ZDHHC14: variants seen among roughly 807,000 people sequenced by gnomAD.
ZDHHC14 encodes the protein zDHHC palmitoyltransferase 14.
In ZDHHC14, 16 loss-of-function variants were observed where a neutral mutation model predicts 47.7. The ratio of observed to expected loss-of-function variants is 0.34; its 90% CI spans 0.23 to 0.51. The LOEUF (loss-of-function observed/expected upper bound fraction) is 0.51. ZDHHC14 is among the 20% of genes least tolerant of loss of function. The pLI is 0.97. For synonymous variants in ZDHHC14, 293 were observed against 278.9 expected (o/e 1.05, Z -0.50); for missense variants, 515 against 662.5 (o/e 0.78, Z 2.44).
At chr6:157,438,465 G>A (rs1186257768) in intron 1 of ZDHHC14, among the ~76,000 whole-genome samples, 1 of 152,204 alleles carries the variant, frequency 6.6e-6, no homozygotes, top group Non-Finnish European at 1.5e-5. Context: ...GAAGACAAAT[G>A]CCACGTGCAG....
chr6:157,476,818 G>C (rs1247128355), intron 1 of ZDHHC14, among the ~76,000 whole-genome samples: 1 of 152,204 alleles, frequency 6.6e-6, no homozygotes, highest in Non-Finnish European at 1.5e-5. Context: ...CATCGCAATA[G>C]ATGTAGAAGA....
chr6:157,489,312 C>T (rs1779855912), intron 1 of ZDHHC14, among the ~76,000 whole-genome samples: 1 of 152,204 alleles, frequency 6.6e-6, no homozygotes, highest in South Asian at 2.1e-4. Flanking sequence ...GCAATCACTT[C>T]CTTCGTAAAC....
chr6:157,397,628 T>C (rs1246145427), intron 1 of ZDHHC14, among the ~76,000 whole-genome samples: 1 of 152,194 alleles, frequency 6.6e-6, no homozygotes, highest in Non-Finnish European at 1.5e-5. Flanking sequence ...AGGCCCTTAA[T>C]GTATCACAGC....
chr6:157,585,164 G>A (rs778650085), intron 2 of ZDHHC14, among the ~76,000 whole-genome samples: 17 of 152,082 alleles, frequency 1.1e-4, no homozygotes, highest in Middle Eastern at 3.4e-3. Context: ...CCGAGATCGC[G>A]CCATTGCACT....
At chr6:157,637,171 G>C (rs1291456903) in intron 5 of ZDHHC14, among the ~76,000 whole-genome samples, 1 of 152,178 alleles carries the variant, frequency 6.6e-6, no homozygotes, top group Non-Finnish European at 1.5e-5. Context: ...GGTATTTTTG[G>C]TGCCTGTCTT....
intron 1 of ZDHHC14, among the ~76,000 whole-genome samples, chr6:157,461,175 CG>C (rs1025445533): frequency 3.3e-5 from 5 of 152,242 alleles, no homozygotes; most frequent in African/African-American, 1.2e-4. Flanking sequence ...TGGCCACCAC[CG>C]TAAACAGTAT....
intron 3 of ZDHHC14, among the ~76,000 whole-genome samples, chr6:157,624,074 T>G (rs201068719): frequency 2.0e-5 from 3 of 152,198 alleles, no homozygotes; most frequent in African/African-American, 7.2e-5. Flanking sequence ...AATATGGCTG[T>G]GTGGAGCTTC....
At chr6:157,480,920 G>T in intron 1 of ZDHHC14, among the ~76,000 whole-genome samples, 1 of 152,096 alleles carries the variant, frequency 6.6e-6, no homozygotes, top group Non-Finnish European at 1.5e-5. Flanking sequence ...ATAAAATTTT[G>T]ATAGTTTTAA....
At chr6:157,511,474 G>A (rs1229261894) in intron 1 of ZDHHC14, among the ~76,000 whole-genome samples, 3 of 151,070 alleles carry the variant, frequency 2.0e-5, no homozygotes, top group South Asian at 2.1e-4. Context: ...TCCGCCTCCC[G>A]GGTTCAAGCG....
chr6:157,595,991 G>A (rs756918762), intron 3 of ZDHHC14, among the ~76,000 whole-genome samples: 4 of 152,328 alleles, frequency 2.6e-5, no homozygotes, highest in South Asian at 2.1e-4. Flanking sequence ...ACCGCAAGCC[G>A]CGGCCTCTGA....
At chr6:157,521,772 T>C (rs886607784) in intron 1 of ZDHHC14, among the ~76,000 whole-genome samples, 3 of 152,202 alleles carry the variant, frequency 2.0e-5, no homozygotes, top group Non-Finnish European at 1.5e-5. Context: ...CAAGGGGGAA[T>C]TCAGCAGTGA....
At chr6:157,530,236 C>T (rs1461943917) in intron 1 of ZDHHC14, among the ~76,000 whole-genome samples, 1 of 152,196 alleles carries the variant, frequency 6.6e-6, no homozygotes, top group Non-Finnish European at 1.5e-5. Flanking sequence ...TGGACCTTCC[C>T]TCTGGATCTG....
chr6:157,606,991 G>A lies in ZDHHC14; in HGVS notation c.565+13845G>A, dbSNP rs144376789. Among the ~76,000 whole-genome samples, 629 of 152,276 alleles carry A rather than the reference G, an allele frequency of 4.1e-3. 3 individuals carry two copies. The highest frequency in any genetic ancestry group is 0.014 in the African/African-American group (592 of 41,554). On this transcript the variant is annotated intron_variant, in intron 3 of 8. Transcript: ENST00000359775. ...ATAGCTCAGCATAACATTTACACTT[G>A]CCACTACTTCAAAATTGTGGAAGAT... is the stretch of plus-strand genomic sequence containing the variant.
intron 1 of ZDHHC14, among the ~76,000 whole-genome samples, chr6:157,418,874 G>A (rs1033706219): frequency 2.0e-5 from 3 of 152,198 alleles, no homozygotes; most frequent in Non-Finnish European, 4.4e-5. Flanking sequence ...GCTATTTAAA[G>A]ACAGAGTTAC....
chr6:157,395,031 CT>C (rs934693737), intron 1 of ZDHHC14, among the ~76,000 whole-genome samples: 8 of 149,782 alleles, frequency 5.3e-5, no homozygotes, highest in African/African-American at 2.0e-4. Flanking sequence ...CCAGCACTTG[CT>C]TGGCAGAAGC....
At chr6:157,552,686 T>C (rs1342319042) in intron 2 of ZDHHC14, among the ~76,000 whole-genome samples, 1 of 152,120 alleles carries the variant, frequency 6.6e-6, no homozygotes, top group African/African-American at 2.4e-5. Flanking sequence ...GTCCCAGCCA[T>C]GCTGAGCCCA....
chr6:157,536,763 T>C (rs1033915885), intron 1 of ZDHHC14, among the ~76,000 whole-genome samples: 1 of 151,922 alleles, frequency 6.6e-6, no homozygotes, highest in Non-Finnish European at 1.5e-5. Context: ...GCTAAAATGA[T>C]TTTATATCTA....
At chr6:157,445,105 TACACACACACACAC>T (rs533031947) in intron 1 of ZDHHC14, among the ~76,000 whole-genome samples, 1 of 131,668 alleles carries the variant, frequency 7.6e-6, no homozygotes, top group African/African-American at 2.8e-5. Context: ...TGCCAGATAT[TACACACACACACAC>T]ACACACACAC....
intron 2 of ZDHHC14, among the ~76,000 whole-genome samples, chr6:157,574,796 G>T (rs953825046): frequency 6.6e-6 from 1 of 152,112 alleles, no homozygotes; most frequent in African/African-American, 2.4e-5. Flanking sequence ...CTCCTAACTG[G>T]GCATAGATCC....
Sources: gnomAD v4.1 joint callset for allele counts (sites outside exome capture counted in the v4.1 genomes callset) on GRCh38, gnomAD v4.1.1 for gene constraint, MANE v1.5 for transcripts, NCBI Gene and HGNC (gene_info 2026-07-23, HGNC 2026-07-21) for gene names.